Variants in SORBS3 observed in about 807,000 individuals in gnomAD.
SORBS3 encodes the protein vinexin.
SORBS3 carries 69 observed loss-of-function variants against 98.0 expected under a neutral mutation model. That is an observed-to-expected ratio of 0.70 (90% confidence interval 0.58 to 0.86). The LOEUF (loss-of-function observed/expected upper bound fraction) is 0.86. Ranked by LOEUF, SORBS3 falls within the 40% of genes least tolerant of loss-of-function variation. SORBS3 has a pLI of 0.00. For missense variants in SORBS3, 954 were observed against 908.5 expected, an observed-to-expected ratio of 1.05 and a Z score of -0.64; for synonymous variants, 394 against 355.4, an observed-to-expected ratio of 1.11 and a Z score of -1.22.
chr8:22,562,272 A>C (rs1449795342), intron 7 of SORBS3, among the ~76,000 whole-genome samples: 1 of 152,244 alleles, frequency 6.6e-6, no homozygotes, highest in Non-Finnish European at 1.5e-5. Context: ...CGGCCAGGAC[A>C]GCCGTGGACA....
chr8:22,566,125 C>A, intron 12 of SORBS3: 1 of 624,026 alleles, frequency 1.6e-6, no homozygotes, highest in Non-Finnish European at 2.4e-6. Context: ...TAGGGCGGCC[C>A]CGCCACGGCC....
rs752727653 is a variant in SORBS3 at position 22,558,133 on chromosome 8, T to C, written c.419T>C (p.Val140Ala). ...CTTTGCATTTTCTGATCCCAGAGCG[T>C]TGACAGACCCAGAGACTGGTACCGG... ...SGMPIAPRSS[V>A]DRPRDWYRRM... The change falls in exon 5 of 21, where the codon GTT becomes GCT. Residue 140 changes from valine (V) to alanine (A), a missense_variant. Physicochemically the swap from Val to Ala is moderately conservative, Grantham distance 64. Transcript: ENST00000240123. 6 of 1,613,986 alleles carry C rather than the reference T, an allele frequency of 3.7e-6. No homozygotes were observed. In the Admixed American group the frequency reaches 5.0e-5, roughly 13 times the overall value.
intron 15 of SORBS3, 75 bp downstream of exon 15, chr8:22,566,943 T>G: frequency 6.4e-7 from 1 of 1,555,926 alleles, no homozygotes; most frequent in Non-Finnish European, 8.8e-7. Flanking sequence ...GGAGGGGGAC[T>G]GGGCTGCAGT....
In SORBS3 at chr8:22,571,182, C is replaced by T; in HGVS notation, c.1704C>T (p.Gly568=). The part of the protein sequence containing the change: ...LGGQTSPRRT[G]FSFPTQEPRP... The stretch of plus-strand genomic sequence containing the variant: ...GACAGACCTCCCCCCGTCGCACTGG[C>T]TTCTCCTTCCCCACCCAGGAGCCTA... Residue 568 remains glycine (G), a synonymous_variant, in exon 18 of 21, where the codon GGC becomes GGT. Transcript: ENST00000240123. 1 of 1,574,154 alleles carries T rather than the reference C, an allele frequency of 6.4e-7. No homozygotes were observed.
intron 7 of SORBS3, among the ~76,000 whole-genome samples, chr8:22,562,795 C>T (rs892140311): frequency 6.6e-6 from 1 of 152,204 alleles, no homozygotes; most frequent in African/African-American, 2.4e-5. Flanking sequence ...AGCAAGCCTG[C>T]ACAAACATTA....
intron 11 of SORBS3, 133 bp from the exon 12 acceptor site, chr8:22,565,693 C>T (rs998058746): frequency 8.2e-7 from 1 of 1,214,630 alleles, no homozygotes; most frequent in African/African-American, 1.6e-5. Flanking sequence ...ATCGGCCGCG[C>T]GGGCGCCTCT....
intron 17 of SORBS3, 143 bp from the exon 18 acceptor site, chr8:22,570,767 G>T: frequency 2.8e-6 from 2 of 702,400 alleles, no homozygotes; most frequent in Non-Finnish European, 4.6e-6. Flanking sequence ...CTTACCGTGT[G>T]ACTCGGGTAA....
chr8:22,561,203 C>T (rs999344595), intron 5 of SORBS3, 132 bp from the exon 6 acceptor site: 11 of 817,776 alleles, frequency 1.3e-5, no homozygotes, highest in Admixed American at 1.0e-4. Context: ...TCCCTTGGGA[C>T]ATTCTTCAGG....
chr8:22,568,271 G>A (rs748271180), intron 16 of SORBS3, among the ~76,000 whole-genome samples: 16 of 152,010 alleles, frequency 1.1e-4, no homozygotes, highest in Non-Finnish European at 1.6e-4. Flanking sequence ...TTTTGTTTTC[G>A]ATTTCATTGA....
rs1840159673 is a variant in SORBS3 at position 22,555,042 on chromosome 8, G to A, written c.220+62G>A. The stretch of plus-strand genomic sequence containing the variant: ...GGTCAGGGCCCTGCCATCTGGCACT[G>A]CCCTGTGTCAAGCGGGAGGGGCAGC... On this transcript the variant is annotated intron_variant, in intron 3 of 20. Coordinates refer to ENST00000240123, the MANE Select transcript of SORBS3 (RefSeq NM_005775.5). The A allele has an allele frequency of 5.7e-6, 8 of 1,401,894 alleles. No individual in the cohort carries two copies. In the Admixed American group the frequency reaches 1.4e-4, roughly 25 times the overall value. 86.8% of individuals were successfully genotyped at this position (1,401,894 alleles called of 1,614,324 possible). A position where few individuals can be genotyped will look rare whatever the true frequency, so the allele number is the denominator to read the frequency against.
Position 22,554,656 on chromosome 8 carries a change from T to C in SORBS3, c.102+48T>C, listed in dbSNP as rs1249566697. 2 of 1,559,558 alleles carry C rather than the reference T, an allele frequency of 1.3e-6. No homozygotes were observed. The highest frequency in any genetic ancestry group is 1.9e-5 in the Admixed American group (1 of 53,794). ...GGGTGTCCTGCGGGCCCGGAGTTGGTTGGGACGCTAGCAGGTCAGGTGGGG... is the reference window on the plus strand; with the variant it reads ...GGGTGTCCTGCGGGCCCGGAGTTGGCTGGGACGCTAGCAGGTCAGGTGGGG... On this transcript the variant is annotated intron_variant, in intron 2 of 20. Transcript: ENST00000240123. The surrounding 1 kb of genome is among the most constrained non-coding windows in gnomAD (Gnocchi z 6.5).
At chr8:22,551,360 G>T (rs888036003), upstream of SORBS3, among the ~76,000 whole-genome samples, 1 of 152,012 alleles carries the variant, frequency 6.6e-6, no homozygotes, top group African/African-American at 2.4e-5. The surrounding 1 kb of genome is among the most constrained non-coding windows in gnomAD (Gnocchi z 5.8). Context: ...CTCTGCCTGC[G>T]GGGCGCCCTC....
intron 7 of SORBS3, among the ~76,000 whole-genome samples, chr8:22,563,771 T>G (rs1225074073): frequency 5.3e-5 from 8 of 152,290 alleles, no homozygotes; most frequent in African/African-American, 1.9e-4. Flanking sequence ...AGTAACTTGT[T>G]CAAAGGTTAC....
chr8:22,553,435 C>T (rs989866881), intron 1 of SORBS3, among the ~76,000 whole-genome samples: 2 of 152,172 alleles, frequency 1.3e-5, no homozygotes, highest in Non-Finnish European at 2.9e-5. Flanking sequence ...GGATGGACGC[C>T]GTAGCACCGT....
chr8:22,561,447 C>A, intron 6 of SORBS3, 74 bp downstream of exon 6: 3 of 1,555,088 alleles, frequency 1.9e-6, no homozygotes, highest in Non-Finnish European at 2.7e-6. Context: ...CTGGGACTCG[C>A]AGCCCCGCCT....
At chr8:22,561,265 G>T in intron 5 of SORBS3, 70 bp from the exon 6 acceptor site, 10 of 1,479,864 alleles carry the variant, frequency 6.8e-6, no homozygotes, top group Non-Finnish European at 9.1e-6. Flanking sequence ...AGCGGCTGAG[G>T]TTGCCTCCCA....
At chr8:22,561,227 C>G in intron 5 of SORBS3, 108 bp from the exon 6 acceptor site, 1 of 1,093,062 alleles carries the variant, frequency 9.1e-7, no homozygotes, top group Non-Finnish European at 1.3e-6. Context: ...TGACTCAGCC[C>G]TCAGCCCCCT....
rs1025083877 is a variant in SORBS3, at chr8:22,556,899, C to T, written c.405C>T (p.Ala135=). The change falls in exon 4 of 21, where the codon GCC becomes GCT. Residue 135 remains alanine (A), a synonymous_variant. Coordinates refer to ENST00000240123, the MANE Select transcript of SORBS3 (RefSeq NM_005775.5). ...TGGACGAGAGCGGCATGCCCATTGC[C>T]CCCCGATCCGTGAGTCCAGGGCTGG... The part of the protein sequence containing the change: ...GPVDESGMPI[A]PRSSVDRPRD... The T allele has an allele frequency of 1.2e-6, 2 of 1,612,614 alleles. No individual in the cohort carries two copies. Among genetic ancestry groups the T allele is most frequent in the African/African-American group, 2.7e-5 (2 of 74,930 alleles).
upstream of SORBS3, among the ~76,000 whole-genome samples, chr8:22,551,150 T>A (rs186304094): frequency 6.9e-6 from 1 of 144,508 alleles, no homozygotes; most frequent in East Asian, 2.1e-4. This position sits in a 1 kb window ranked among gnomAD's most constrained non-coding sequence, Gnocchi z 5.8. Flanking sequence ...ACCCTTATCC[T>A]CTTTAGGGGC....
Sources: allele counts gnomAD v4.1 joint callset (sites outside exome capture counted in the v4.1 genomes callset), GRCh38; gene constraint gnomAD v4.1.1; non-coding constraint Gnocchi (gnomAD v3.1); transcripts MANE v1.5; gene names NCBI Gene and HGNC (gene_info 2026-07-23, HGNC 2026-07-21).